The following ST6GALNAC1 variants were observed in gnomAD, a reference collection of about 807,000 sequenced individuals.
ST6GALNAC1 encodes the protein alpha-N-acetylgalactosaminide alpha-2,6-sialyltransferase 1.
A neutral mutation model predicts 56.8 loss-of-function variants in ST6GALNAC1; 45 were observed. That is an observed-to-expected ratio of 0.79 (90% CI 0.62 to 1.02). The LOEUF is 1.02. Among genes scored for constraint, ST6GALNAC1 ranks in the 50% least tolerant of loss-of-function variants. ST6GALNAC1 has a pLI of 0.00. For synonymous variants in ST6GALNAC1, 295 were observed against 297.8 expected, an observed-to-expected ratio of 0.99 and a Z score of 0.10; for missense variants, 743 against 754.8, an observed-to-expected ratio of 0.98 and a Z score of 0.18.
At chr17:76,640,053 G>T (rs1206773908) in intron 1 of ST6GALNAC1, among the ~76,000 whole-genome samples, 1 of 151,998 alleles carries the variant, frequency 6.6e-6, no homozygotes, top group South Asian at 2.1e-4. Context: ...CTGGGGAAGG[G>T]TTCTCCTTTA....
At chr17:76,619,489 C>G in the ST6GALNAC1 span, among the ~76,000 whole-genome samples, 1 of 152,156 alleles carries the variant, frequency 6.6e-6, no homozygotes, top group Non-Finnish European at 1.5e-5. Flanking sequence ...AGACTTGCCT[C>G]TTTCCATAAT....
At chr17:76,635,006 A>C (rs2143465767) in intron 1 of ST6GALNAC1, among the ~76,000 whole-genome samples, 1 of 152,344 alleles carries the variant, frequency 6.6e-6, no homozygotes, top group South Asian at 2.1e-4. Flanking sequence ...ATGTGTCTAT[A>C]CGCTGCTTCC....
downstream of ST6GALNAC1, among the ~76,000 whole-genome samples, chr17:76,622,794 A>ATTTC (rs199963179): frequency 6.8e-3 from 693 of 102,594 alleles, 9 homozygotes; most frequent in African/African-American, 0.023. Flanking sequence ...AACTCTTGTC[A>ATTTC]TTTCTTTTTT....
At chr17:76,620,910 T>G (rs1247177115), downstream of ST6GALNAC1, among the ~76,000 whole-genome samples, 8 of 152,270 alleles carry the variant, frequency 5.3e-5, no homozygotes, top group Admixed American at 4.6e-4. Context: ...TTTCTTATTC[T>G]ATCTTGTACA....
In ST6GALNAC1 at chr17:76,639,021, C is replaced by T. The variant is rs148422980; in HGVS notation, c.131+4487G>A. ...CGGTCTCATTAATGCTATCCTAAAC[C>T]GTTGCAATGGTCTCTAAACTATCCC... On this transcript the variant is annotated intron_variant, in intron 1 of 8. Coordinates refer to ENST00000156626, the MANE Select transcript of ST6GALNAC1 (RefSeq NM_018414.5). Among the ~76,000 whole-genome samples the T allele has an allele frequency of 3.9e-3, 592 of 152,256 alleles. 6 individuals carry two copies. Among genetic ancestry groups the T allele is most frequent in the African/African-American group, 0.014 (565 of 41,548 alleles).
intron 1 of ST6GALNAC1, among the ~76,000 whole-genome samples, chr17:76,642,922 C>CA (rs59053510): frequency 0.13 from 10,876 of 86,896 alleles, 872 homozygotes; most frequent in African/African-American, 0.23. Flanking sequence ...GACTCCGTCT[C>CA]AAAAAAAAAA....
chr17:76,626,482 G>T, intron 5 of ST6GALNAC1, 90 bp from the exon 6 acceptor site: 1 of 1,510,008 alleles, frequency 6.6e-7, no homozygotes, highest in Non-Finnish European at 9.2e-7. Flanking sequence ...CTGCCCACTT[G>T]CTCTGCTCTG....
rs749130991 is a variant in ST6GALNAC1 at position 76,643,493 on chromosome 17, G to A, written c.131+15C>T. 14 of 1,613,088 alleles carry A rather than the reference G, an allele frequency of 8.7e-6. No individual in the cohort carries two copies. Among genetic ancestry groups the A allele is most frequent in the Middle Eastern group, 1.6e-4 (1 of 6,082 alleles). ...ATGAATGAAATATGAGGAGTGGAAA[G>A]GACAAGAATCTTACCTGGAAGGCTT... On this transcript the variant is annotated intron_variant, in intron 1 of 8. Coordinates refer to ENST00000156626, the MANE Select transcript of ST6GALNAC1 (RefSeq NM_018414.5).
intron 1 of ST6GALNAC1, among the ~76,000 whole-genome samples, chr17:76,640,170 G>A (rs909065346): frequency 2.8e-4 from 42 of 152,224 alleles, no homozygotes; most frequent in Non-Finnish European, 5.4e-4. Flanking sequence ...TCCCATTATT[G>A]CTCCGGCAGG....
intron 1 of ST6GALNAC1, among the ~76,000 whole-genome samples, chr17:76,642,059 T>C (rs1309221455): frequency 6.6e-6 from 1 of 151,146 alleles, no homozygotes; most frequent in Non-Finnish European, 1.5e-5. Flanking sequence ...TATATATACA[T>C]ATCTCTCATG....
downstream of ST6GALNAC1, among the ~76,000 whole-genome samples, chr17:76,621,943 C>CTTTTT (rs71158041): frequency 7.2e-6 from 1 of 138,022 alleles, no homozygotes; most frequent in Non-Finnish European, 1.6e-5. Context: ...TCTTTCTTTT[C>CTTTTT]TTTTTTTTTT....
Position 76,629,660 on chromosome 17 carries a change from C to T in ST6GALNAC1, c.183G>A (p.Lys61=), listed in dbSNP as rs2075864455. The change falls in exon 2 of 9, where the codon AAG becomes AAA. Residue 61 remains lysine, a synonymous_variant. Transcript: ENST00000156626. ...CCCTTGTGGGTGCCTGGGACTTAGG[C>T]TTTGCCAGGGACTGTAGAGACCTTT... The part of the protein sequence containing the change: ...IKERSLQSLA[K]PKSQAPTRAR... The T allele has an allele frequency of 2.5e-6, 4 of 1,613,700 alleles. No homozygotes were observed. The South Asian group carries it at 3.3e-5, about 13-fold the overall frequency.
At position 76,624,960 on chromosome 17, in the gene ST6GALNAC1, G is replaced by C; in HGVS notation, c.*370C>G. 3.7e-6 allele frequency: 1 copy of C among 270,328 alleles called. No homozygotes were observed. Among genetic ancestry groups the C allele is most frequent in the South Asian group, 5.2e-5 (1 of 19,140 alleles). The allele number at this position is 270,328 out of a possible 1,614,324, so 16.7% of individuals were successfully genotyped here. A position where few individuals can be genotyped will look rare whatever the true frequency, so the allele number is the denominator to read the frequency against. Reference sequence around the variant, plus strand: ...GTAATACCTTCAAGATTTCACAACTGTAAACTCGATCTGGAATTCAAACCA... The same window carrying C: ...GTAATACCTTCAAGATTTCACAACTCTAAACTCGATCTGGAATTCAAACCA... On this transcript the variant is annotated 3_prime_UTR_variant, in exon 9 of 9. Transcript: ENST00000156626.
downstream of ST6GALNAC1, among the ~76,000 whole-genome samples, chr17:76,621,943 CTTTTTT>C (rs71158041): frequency 7.2e-6 from 1 of 138,034 alleles, no homozygotes. Context: ...TCTTTCTTTT[CTTTTTT>C]TTTTTTTTTG....
intron 1 of ST6GALNAC1, among the ~76,000 whole-genome samples, chr17:76,630,998 G>A (rs557164019): frequency 1.3e-3 from 190 of 151,034 alleles, no homozygotes; most frequent in Non-Finnish European, 2.3e-3. Context: ...GGGCTCAAGC[G>A]ATCCTGTGGC....
In ST6GALNAC1 at chr17:76,629,596, T is replaced by C. The variant is rs2075863494; in HGVS notation, c.247A>G (p.Asn83Asp). 2 of 1,613,548 alleles carry C rather than the reference T, an allele frequency of 1.2e-6. No homozygotes were observed. Among genetic ancestry groups the C allele is most frequent in the African/African-American group, 1.3e-5 (1 of 74,828 alleles). Residue 83 changes from asparagine to aspartate, a missense_variant, in exon 2 of 9, where the codon AAC becomes GAC. Asn to Asp is a conservative substitution (Grantham distance 23). Transcript: ENST00000156626. ...TTIYAEPVPE[N>D]NALNTQTQPK... ...TGGGTTTGTGTGTTGAGGGCATTGTTCTCTGGCACTGGCTCTGCATAGATG... is the reference window on the plus strand; with the variant it reads ...TGGGTTTGTGTGTTGAGGGCATTGTCCTCTGGCACTGGCTCTGCATAGATG...
chr17:76,627,239 C>T lies in ST6GALNAC1; in HGVS notation c.1001-1G>A, dbSNP rs761602033. On this transcript the variant is annotated splice_acceptor_variant, in intron 3 of 8. Coordinates refer to ENST00000156626, the MANE Select transcript of ST6GALNAC1 (RefSeq NM_018414.5). LOFTEE classifies it high-confidence loss of function. This position sits in a 1 kb window ranked among gnomAD's most constrained non-coding sequence, Gnocchi z 4.4. ...AAGCGTGTCACGACCTTCTGCACCA[C>T]TGGAACAAGAGTGGGGGTGCTCCAT... The T allele has an allele frequency of 6.4e-7, 1 of 1,560,316 alleles. No individual in the cohort carries two copies. Among genetic ancestry groups the T allele is most frequent in the African/African-American group, 1.4e-5 (1 of 73,552 alleles).
downstream of ST6GALNAC1, among the ~76,000 whole-genome samples, chr17:76,621,475 C>T (rs1381227589): frequency 6.6e-6 from 1 of 150,502 alleles, no homozygotes; most frequent in Admixed American, 6.6e-5. Flanking sequence ...GCCACCGCAC[C>T]CGGGCTTCTT....
At chr17:76,641,249 C>G (rs373793927) in intron 1 of ST6GALNAC1, among the ~76,000 whole-genome samples, 1 of 152,072 alleles carries the variant, frequency 6.6e-6, no homozygotes, top group African/African-American at 2.4e-5. Context: ...ACGCTTTGTT[C>G]GGGGCTCAGT....
Sources: gnomAD v4.1 joint callset for allele counts (sites outside exome capture counted in the v4.1 genomes callset) on GRCh38, gnomAD v4.1.1 for gene constraint, Gnocchi (gnomAD v3.1) non-coding constraint, MANE v1.5 for transcripts, NCBI Gene and HGNC (gene_info 2026-07-23, HGNC 2026-07-21) for gene names.